Variants in PRAMEF20 observed in about 807,000 individuals in gnomAD.
PRAMEF20 encodes PRAME family member 20.
A neutral mutation model predicts 32.4 loss-of-function variants in PRAMEF20; 27 were observed. The ratio of observed to expected loss-of-function variants is 0.83; its 90% CI spans 0.61 to 1.15. The LOEUF (loss-of-function observed/expected upper bound fraction) is 1.15, where lower values mean the gene tolerates loss of function less well. Ranked by LOEUF, PRAMEF20 falls within the 50% of genes most tolerant of loss-of-function variation. The pLI is 0.00. For synonymous variants in PRAMEF20, 256 were observed against 235.4 expected (o/e 1.09, Z -0.80); for missense variants, 604 against 584.5 (o/e 1.03, Z -0.34).
chr1:13,410,595 G>A, the PRAMEF20 span: 3 of 151,230 alleles, frequency 2.0e-5, no homozygotes, highest in South Asian at 2.1e-4. Flanking sequence ...GATGGTGACA[G>A]TGCAGGCACA....
At chr1:13,413,243 C>A (rs1054907393), upstream of PRAMEF20, among the ~76,000 whole-genome samples, 5 of 152,306 alleles carry the variant, frequency 3.3e-5, no homozygotes, top group East Asian at 9.6e-4. Context: ...ATACCTAAAT[C>A]TTTCACTTTC....
upstream of PRAMEF20, among the ~76,000 whole-genome samples, chr1:13,411,975 T>G (rs900269703): frequency 8.5e-5 from 13 of 152,150 alleles, no homozygotes; most frequent in Non-Finnish European, 1.8e-4. Context: ...TATACCTGGC[T>G]GTGACCACCT....
At chr1:13,411,334 T>TC in the PRAMEF20 span, among the ~76,000 whole-genome samples, 2 of 139,746 alleles carry the variant, frequency 1.4e-5, no homozygotes, top group Admixed American at 7.3e-5. Context: ...TCTGGCCCCC[T>TC]CCCCCCCACC....
At position 13,418,719 on chromosome 1, in the gene PRAMEF20, C is replaced by A; in HGVS notation, c.866+19C>A. 2 of 1,612,736 alleles carry A rather than the reference C, an allele frequency of 1.2e-6. No homozygotes were observed. Among genetic ancestry groups the A allele is most frequent in the South Asian group, 1.1e-5 (1 of 91,048 alleles). ...TGCTCAGGTGAGGAAGGGTAGTGAG[C>A]TTTCTCTGCAGACCACAGCAGAGCC... On this transcript the variant is annotated intron_variant, in intron 2 of 2. Transcript: ENST00000602960.
chr1:13,416,264 C>T (rs2100432047), upstream of PRAMEF20: 2 of 1,607,322 alleles, frequency 1.2e-6, no homozygotes, highest in East Asian at 2.2e-5. Context: ...TGACTTTGGC[C>T]CTGGGAGATG....
At chr1:13,421,140 T>C in exon 3 of PRAMEF20, 1 of 1,613,886 alleles carries the variant, frequency 6.2e-7, no homozygotes, top group Non-Finnish European at 8.5e-7. Context: ...GGGGCTGAGC[T>C]GATGGGGAGA....
intron 1 of PRAMEF20, 60 bp downstream of exon 2, chr1:13,416,701 G>A: frequency 1.2e-6 from 2 of 1,612,844 alleles, no homozygotes; most frequent in Non-Finnish European, 8.5e-7. Flanking sequence ...AGGAACAGCT[G>A]GGTCATGAGG....
upstream of PRAMEF20, among the ~76,000 whole-genome samples, chr1:13,412,361 C>T (rs1641122604): frequency 6.6e-6 from 1 of 152,136 alleles, no homozygotes; most frequent in Admixed American, 6.6e-5. Flanking sequence ...GAGCTAAGCC[C>T]ATGTCTTTGG....
At chr1:13,419,355 G>A (rs1641217754) in intron 2 of PRAMEF20, among the ~76,000 whole-genome samples, 1 of 151,920 alleles carries the variant, frequency 6.6e-6, no homozygotes, top group African/African-American at 2.4e-5. Context: ...CACCATGTTG[G>A]CCAGGCTGGT....
At chr1:13,413,247 C>T (rs1340144874), upstream of PRAMEF20, among the ~76,000 whole-genome samples, 1 of 152,186 alleles carries the variant, frequency 6.6e-6, no homozygotes, top group Non-Finnish European at 1.5e-5. Flanking sequence ...CTAAATCTTT[C>T]ACTTTCATGG....
At chr1:13,418,179 T>C in exon 2 of PRAMEF20, 1 of 1,613,666 alleles carries the variant, frequency 6.2e-7, no homozygotes, top group South Asian at 1.1e-5. Flanking sequence ...TCTGGATGGT[T>C]TGGTCTGAAG....
chr1:13,418,396 T>C (rs1265625010), exon 2 of PRAMEF20: 1 of 1,613,886 alleles, frequency 6.2e-7, no homozygotes, highest in Non-Finnish European at 8.5e-7. Context: ...GCTGAAAATG[T>C]TGGGAATGCT....
chr1:13,418,565 C>G, exon 2 of PRAMEF20: 3 of 1,613,952 alleles, frequency 1.9e-6, no homozygotes, highest in Middle Eastern at 1.7e-4. Context: ...GACATAGATT[C>G]TCGCTACATT....
chr1:13,418,931 G>A (rs1223077751), intron 2 of PRAMEF20, among the ~76,000 whole-genome samples: 1 of 152,178 alleles, frequency 6.6e-6, no homozygotes, highest in Non-Finnish European at 1.5e-5. Context: ...AGCTACTGGA[G>A]GATTCAGATT....
intron 1 of PRAMEF20, 107 bp downstream of exon 2, chr1:13,416,748 T>C: frequency 1.3e-6 from 2 of 1,588,218 alleles, no homozygotes; most frequent in Non-Finnish European, 1.7e-6. Context: ...AGGCTTCTAA[T>C]GGTTTTGGTG....
At chr1:13,413,954 G>T (rs1641137058), upstream of PRAMEF20, among the ~76,000 whole-genome samples, 1 of 152,090 alleles carries the variant, frequency 6.6e-6, no homozygotes, top group South Asian at 2.1e-4. Context: ...CTAAATGCAG[G>T]TTTGTCTTTA....
upstream of PRAMEF20, among the ~76,000 whole-genome samples, chr1:13,412,057 A>T (rs1347892313): frequency 1.4e-5 from 2 of 145,168 alleles, no homozygotes; most frequent in African/African-American, 2.5e-5. Flanking sequence ...TATTTAATTT[A>T]ATTAATTTAT....
exon 3 of PRAMEF20, chr1:13,420,914 G>A (rs1334391831): frequency 5.0e-5 from 81 of 1,613,752 alleles, no homozygotes; most frequent in East Asian, 2.9e-4. Context: ...CTGTGGCATC[G>A]TAGACTCCCA....
chr1:13,418,585 CAGA>C (rs1323062110), exon 2 of PRAMEF20: 35 of 1,609,764 alleles, frequency 2.2e-5, no homozygotes, highest in East Asian at 6.7e-5. Context: ...TTCCCCAGAG[CAGA>C]AGAAGGAGTT....
Sources: gnomAD v4.1 joint callset for allele counts (sites outside exome capture counted in the v4.1 genomes callset) on GRCh38, gnomAD v4.1.1 for gene constraint, MANE v1.5 for transcripts, NCBI Gene and HGNC (gene_info 2026-07-23, HGNC 2026-07-21) for gene names.